RWDD3: variants seen among roughly 807,000 people sequenced by gnomAD.
RWDD3 encodes RWD domain containing 3.
In RWDD3, 30 loss-of-function variants were observed where a neutral mutation model predicts 26.5. The observed-to-expected ratio is 1.13, with a 90% CI of 0.85 to 1.54. RWDD3 has a LOEUF of 1.54. Ranked by LOEUF, RWDD3 falls within the 40% of genes most tolerant of loss-of-function variation. The probability of loss-of-function intolerance (pLI) is 0.00; values close to 1 mark genes in which losing one functional copy is unlikely to be tolerated. For synonymous variants in RWDD3, 113 were observed against 114.5 expected, an observed-to-expected ratio of 0.99 and a Z score of 0.09; for missense variants, 296 against 309.1, an observed-to-expected ratio of 0.96 and a Z score of 0.32.
At chr1:95,237,840 C>T (rs1352641842) in intron 1 of RWDD3, among the ~76,000 whole-genome samples, 1 of 152,174 alleles carries the variant, frequency 6.6e-6, no homozygotes, top group Non-Finnish European at 1.5e-5. Context: ...CCACCAGGCT[C>T]CAGGTGTATG....
rs1357966532 is a variant in RWDD3, at chr1:95,237,636, C to A, written c.85+3321C>A. On this transcript the variant is annotated intron_variant, in intron 1 of 3. Coordinates refer to ENST00000370202, the MANE Select transcript of RWDD3 (RefSeq NM_015485.5). Reference sequence around the variant, plus strand: ...ATTAAGTAAGTCCCTACACTCCCATCTACAAGGGAGGGCTGTGGATAGACC... The same window carrying A: ...ATTAAGTAAGTCCCTACACTCCCATATACAAGGGAGGGCTGTGGATAGACC... Among the ~76,000 whole-genome samples the A allele has an allele frequency of 2.0e-5, 3 of 152,200 alleles. No homozygotes were observed. In the East Asian group the frequency reaches 5.8e-4, roughly 29 times the overall value.
intron 1 of RWDD3, among the ~76,000 whole-genome samples, chr1:95,240,650 C>T (rs897336302): frequency 4.0e-5 from 6 of 151,842 alleles, no homozygotes; most frequent in African/African-American, 1.2e-4. Flanking sequence ...TGGCCCTAGG[C>T]GTTGCATGGA....
intron 1 of RWDD3, among the ~76,000 whole-genome samples, chr1:95,239,220 A>G (rs1307511865): frequency 6.6e-6 from 1 of 152,208 alleles, no homozygotes; most frequent in Non-Finnish European, 1.5e-5. Flanking sequence ...AGAGATTAGT[A>G]TTAGATTTAG....
At chr1:95,243,338 T>C (rs1680712162) in intron 1 of RWDD3, 1 of 152,256 alleles carries the variant, frequency 6.6e-6, no homozygotes, top group East Asian at 1.9e-4. Flanking sequence ...AAGATTTGAC[T>C]GCTTCTCTCA....
chr1:95,242,172 T>C (rs1680660236), intron 1 of RWDD3, among the ~76,000 whole-genome samples: 1 of 152,250 alleles, frequency 6.6e-6, no homozygotes, highest in African/African-American at 2.4e-5. Context: ...TGGAGAATTA[T>C]CTACCAACAC....
In RWDD3 at chr1:95,246,703, A is replaced by T. The variant is rs2101128410; in HGVS notation, c.689+46A>T. The stretch of plus-strand genomic sequence containing the variant: ...AGATGGAAAAGCAACTGAATCGATA[A>T]TTATACTCTGACAAATCTAGGCATA... On this transcript the variant is annotated intron_variant, in intron 3 of 3. Transcript: ENST00000370202. The T allele has an allele frequency of 2.6e-6, 4 of 1,540,366 alleles. No homozygotes were observed. In the African/African-American group the frequency reaches 4.1e-5, roughly 16 times the overall value.
Position 95,246,744 on chromosome 1 carries a change from T to G in RWDD3, c.690-12T>G. 6.5e-7 allele frequency: 1 copy of G among 1,549,408 alleles called. No homozygotes were observed. ...TCTAGGCATATTCATGAGTTTCTTT[T>G]GTATAATGCAGGTTTCTGGCATTTG... is the stretch of plus-strand genomic sequence containing the variant. On this transcript the variant is annotated splice_polypyrimidine_tract_variant and intron_variant, in intron 3 of 3. Coordinates refer to ENST00000370202, the MANE Select transcript of RWDD3 (RefSeq NM_015485.5).
In RWDD3 at chr1:95,244,452, G is replaced by A; in HGVS notation, c.327G>A (p.Gln109=). 1 of 1,614,208 alleles carries A rather than the reference G, an allele frequency of 6.2e-7. No homozygotes were observed. The highest frequency in any genetic ancestry group is 8.5e-7 in the Non-Finnish European group (1 of 1,180,040). Reference sequence around the variant, plus strand: ...ATGAGCTGGTTCTCTGGATTCAGCAGAATCTCAGGCATATCCTCAGCCAAC... The same window carrying A: ...ATGAGCTGGTTCTCTGGATTCAGCAAAATCTCAGGCATATCCTCAGCCAAC... The part of the protein sequence containing the change: ...MVHELVLWIQ[Q]NLRHILSQPE... The change falls in exon 2 of 4, where the codon CAG becomes CAA. Residue 109 remains glutamine, a synonymous_variant. Transcript: ENST00000370202.
At chr1:95,235,137 C>G (rs1680257805) in intron 1 of RWDD3, among the ~76,000 whole-genome samples, 1 of 150,862 alleles carries the variant, frequency 6.6e-6, no homozygotes, top group African/African-American at 2.4e-5. Context: ...ACCTCCGCCT[C>G]CCGGGTTCAC....
chr1:95,234,242 T>C lies in RWDD3; in HGVS notation c.12T>C (p.Pro4=). The C allele has an allele frequency of 5.0e-6, 8 of 1,592,048 alleles. No individual in the cohort carries two copies. Among genetic ancestry groups the C allele is most frequent in the Non-Finnish European group, 6.8e-6 (8 of 1,169,906 alleles). Residue 4 remains proline (P), a synonymous_variant, in exon 1 of 4, where the codon CCT becomes CCC. Transcript: ENST00000370202. MAE[P]VQEELSVLAA... ...TGGGGCCCACAGCCATGGCGGAGCCTGTGCAGGAGGAGCTCTCGGTCCTGG... is the reference window on the plus strand; with the variant it reads ...TGGGGCCCACAGCCATGGCGGAGCCCGTGCAGGAGGAGCTCTCGGTCCTGG...
Position 95,234,436 on chromosome 1 carries a change from A to G in RWDD3, c.85+121A>G. On this transcript the variant is annotated intron_variant, in intron 1 of 3. Transcript: ENST00000370202. ...TGGGCCCACGTATGGGGACCGGGTT[A>G]GTTGAATGATGGAATGACACGCCCG... is the stretch of plus-strand genomic sequence containing the variant. 3 of 887,942 alleles carry G rather than the reference A, an allele frequency of 3.4e-6. No homozygotes were observed. The African/African-American group carries it at 5.0e-5, about 15-fold the overall frequency. 55.0% of individuals were successfully genotyped at this position (887,942 alleles called of 1,614,324 possible).
At chr1:95,235,198 C>T (rs1408622631) in intron 1 of RWDD3, among the ~76,000 whole-genome samples, 5 of 149,978 alleles carry the variant, frequency 3.3e-5, no homozygotes, top group Admixed American at 6.7e-5. Context: ...AGGCGCCCAC[C>T]ACCACGCCCG....
At chr1:95,237,662 A>G (rs149023907) in intron 1 of RWDD3, among the ~76,000 whole-genome samples, 1 of 152,318 alleles carries the variant, frequency 6.6e-6, no homozygotes, top group African/African-American at 2.4e-5. Flanking sequence ...TGGATAGACC[A>G]CATTAGGGAT....
At chr1:95,238,860 G>C (rs567200296) in intron 1 of RWDD3, among the ~76,000 whole-genome samples, 43 of 152,246 alleles carry the variant, frequency 2.8e-4, no homozygotes, top group African/African-American at 1.0e-3. Flanking sequence ...AGTTTCTCTA[G>C]TTTGAATTTC....
rs1368590729 is a variant in RWDD3 at position 95,234,290 on chromosome 1, C to A, written c.60C>A (p.His20Gln). 1 of 1,598,174 alleles carries A rather than the reference C, an allele frequency of 6.3e-7. No homozygotes were observed. Among genetic ancestry groups the A allele is most frequent in the Non-Finnish European group, 8.5e-7 (1 of 1,172,766 alleles). The change falls in exon 1 of 4, where the codon CAC becomes CAA. Residue 20 changes from histidine to glutamine, a missense_variant. Transcript: ENST00000370202. ...SVLAAIFCRP[H>Q]EWEVLSRSET... ...TGGCCGCGATTTTCTGCAGGCCCCA[C>A]GAGTGGGAGGTGCTGAGCCGCTCAG...
Position 95,239,696 on chromosome 1 carries a change from A to C in RWDD3, c.86-4515A>C. 6 of 1,136,928 alleles carry C rather than the reference A, an allele frequency of 5.3e-6. 1 individual carries two copies. The South Asian group carries it at 9.6e-5, about 18-fold the overall frequency. The allele number at this position is 1,136,928 out of a possible 1,614,324, so 70.4% of individuals were successfully genotyped here. ...AAGAACTAAGGCAGTTTTCTTCCGA[A>C]CATATAACTAGTATGACGGTCACAG... is the stretch of plus-strand genomic sequence containing the variant. On this transcript the variant is annotated intron_variant, in intron 1 of 3. Coordinates refer to ENST00000370202, the MANE Select transcript of RWDD3 (RefSeq NM_015485.5).
intron 1 of RWDD3, among the ~76,000 whole-genome samples, chr1:95,235,823 A>G (rs1680324535): frequency 6.6e-6 from 1 of 151,832 alleles, no homozygotes; most frequent in Admixed American, 6.6e-5. Context: ...CTATTTTTTG[A>G]TGATAGGTGA....
At chr1:95,240,003 C>T (rs938479737) in intron 1 of RWDD3, 9 of 1,150,940 alleles carry the variant, frequency 7.8e-6, no homozygotes, top group Middle Eastern at 2.3e-4. Context: ...TAGCATCTTG[C>T]TTCAGTGCGG....
At chr1:95,241,968 T>A (rs933561659) in intron 1 of RWDD3, among the ~76,000 whole-genome samples, 6 of 152,046 alleles carry the variant, frequency 3.9e-5, no homozygotes, top group African/African-American at 1.4e-4. Context: ...CCACATTCCC[T>A]TGTTATTTGC....
Sources: allele counts gnomAD v4.1 joint callset (sites outside exome capture counted in the v4.1 genomes callset), GRCh38; gene constraint gnomAD v4.1.1; transcripts MANE v1.5; gene names NCBI Gene and HGNC (gene_info 2026-07-23, HGNC 2026-07-21).